KCTD1: variants seen among roughly 807,000 people sequenced by gnomAD.
The protein encoded by KCTD1 is potassium channel tetramerization domain containing 1, also known as BTB/POZ domain-containing protein KCTD1.
In KCTD1, 24 loss-of-function variants were observed where a neutral mutation model predicts 66.0. The observed-to-expected ratio is 0.36, with a 90% CI of 0.26 to 0.51. KCTD1 has a LOEUF of 0.51. Among genes scored for constraint, KCTD1 ranks in the 20% least tolerant of loss-of-function variants. The probability of loss-of-function intolerance (pLI) is 0.95; values close to 1 mark genes in which losing one functional copy is unlikely to be tolerated. For missense variants in KCTD1, 943 were observed against 1,205.2 expected, an observed-to-expected ratio of 0.78 and a Z score of 3.22; for synonymous variants, 511 against 517.2, an observed-to-expected ratio of 0.99 and a Z score of 0.16.
At chr18:26,641,049 T>G (rs566288990), upstream of KCTD1, among the ~76,000 whole-genome samples, 2 of 152,306 alleles carry the variant, frequency 1.3e-5, no homozygotes, top group African/African-American at 4.8e-5. Flanking sequence ...CAGACTGATT[T>G]CTTACTTGCC....
chr18:26,487,940 G>A (rs1352025698), intron 2 of KCTD1, among the ~76,000 whole-genome samples: 3 of 152,144 alleles, frequency 2.0e-5, no homozygotes, highest in African/African-American at 7.2e-5. Flanking sequence ...TCATGTACAG[G>A]CATTGAAAAG....
rs1979993555 is a variant in KCTD1 at position 26,455,282 on chromosome 18, T to C, written c.*461A>G. On this transcript the variant is annotated 3_prime_UTR_variant, in exon 5 of 5. Coordinates refer to ENST00000580059, the MANE Select transcript of KCTD1 (RefSeq NM_001142730.3). ...AACCTCCATATACAAACAAACTTGA[T>C]TCAAGGTGTTTTGTTTGTTTTGTTT... 6.5e-6 allele frequency: 1 copy of C among 153,060 alleles called. No homozygotes were observed. Among genetic ancestry groups the C allele is most frequent in the South Asian group, 2.1e-4 (1 of 4,830 alleles). 9.5% of individuals were successfully genotyped at this position (153,060 alleles called of 1,614,324 possible).
intron 1 of KCTD1, among the ~76,000 whole-genome samples, chr18:26,651,424 G>A (rs1466583293): frequency 6.6e-6 from 1 of 152,150 alleles, no homozygotes; most frequent in Non-Finnish European, 1.5e-5. Flanking sequence ...AATCCTCCAG[G>A]CAAGAGGAGG....
chr18:26,656,462 G>C (rs1206639422), intron 1 of KCTD1, among the ~76,000 whole-genome samples: 1 of 151,982 alleles, frequency 6.6e-6, no homozygotes, highest in East Asian at 1.9e-4. Context: ...GGGGAGGAGG[G>C]CTGGAGATGG....
upstream of KCTD1, among the ~76,000 whole-genome samples, chr18:26,632,050 A>AAAAC (rs1473523340): frequency 6.7e-6 from 1 of 149,826 alleles, no homozygotes; most frequent in African/African-American, 2.5e-5. Context: ...ACTCCGTCTC[A>AAAAC]AAACAAACAA....
chr18:26,556,867 C>T (rs894378738), intron 1 of KCTD1, among the ~76,000 whole-genome samples: 15 of 152,170 alleles, frequency 9.9e-5, no homozygotes, highest in African/African-American at 3.6e-4. Context: ...TAGAGAAAAC[C>T]ACCCAAATAC....
chr18:26,624,599 T>C (rs1160966678), intron 1 of KCTD1, among the ~76,000 whole-genome samples: 1 of 152,202 alleles, frequency 6.6e-6, no homozygotes, highest in African/African-American at 2.4e-5. Context: ...CACCTAGATT[T>C]CAGAGGACAT....
chr18:26,599,342 A>T (rs1986837688), intron 1 of KCTD1: 1 of 1,467,250 alleles, frequency 6.8e-7, no homozygotes, highest in Non-Finnish European at 9.4e-7. Context: ...GAGCGAGCCC[A>T]GGTGGCAGTC....
upstream of KCTD1, among the ~76,000 whole-genome samples, chr18:26,552,381 C>G (rs1985595930): frequency 6.6e-6 from 1 of 152,214 alleles, no homozygotes; most frequent in African/African-American, 2.4e-5. Context: ...GCAACACACA[C>G]CCTTGTAGTT....
upstream of KCTD1, among the ~76,000 whole-genome samples, chr18:26,644,766 A>AAG (rs538078418): frequency 2.5e-3 from 371 of 150,036 alleles, 1 homozygote; most frequent in African/African-American, 6.9e-3. Flanking sequence ...AAAAAAAAAA[A>AAG]AGAGAGAGAG....
chr18:26,474,665 T>C (rs1981245671), intron 3 of KCTD1, among the ~76,000 whole-genome samples: 1 of 152,232 alleles, frequency 6.6e-6, no homozygotes, highest in Non-Finnish European at 1.5e-5. Flanking sequence ...TTCTCATAGA[T>C]TTTTAAGATA....
Position 26,548,231 on chromosome 18 carries a change from G to T in KCTD1, c.306C>A (p.Asp102Glu). 3 of 1,509,006 alleles carry T rather than the reference G, an allele frequency of 2.0e-6. No homozygotes were observed. The highest frequency in any genetic ancestry group is 2.6e-6 in the Non-Finnish European group (3 of 1,132,454). 93.5% of individuals were successfully genotyped at this position (1,509,006 alleles called of 1,614,324 possible). A position where few individuals can be genotyped will look rare whatever the true frequency, so the allele number is the denominator to read the frequency against. Residue 102 changes from aspartate to glutamate, a missense_variant, in exon 1 of 5, where the codon GAC becomes GAA. This residue lies in a region of KCTD1 where 236 missense variants were observed against 206.6 expected (regional missense o/e 1.14). Coordinates refer to ENST00000580059, the MANE Select transcript of KCTD1 (RefSeq NM_001142730.3). ...CCGAGTCCTCGGGCTCCAGGGGCTC[G>T]TCCCAGTCCAGCCCCATCTCCTCCT... ...EEEEEMGLDW[D>E]EPLEPEDSAG...
chr18:26,654,480 C>T (rs1988091714), intron 1 of KCTD1, among the ~76,000 whole-genome samples: 1 of 152,136 alleles, frequency 6.6e-6, no homozygotes, highest in South Asian at 2.1e-4. Flanking sequence ...TATTACTGTG[C>T]ACCCCTACTA....
At chr18:26,630,584 C>G (rs1987597379), upstream of KCTD1, among the ~76,000 whole-genome samples, 5 of 152,298 alleles carry the variant, frequency 3.3e-5, no homozygotes, top group South Asian at 1.0e-3. Flanking sequence ...ATCCTCCCAC[C>G]ATGGCCTCCC....
chr18:26,568,100 G>A (rs1986024415), intron 1 of KCTD1, among the ~76,000 whole-genome samples: 1 of 152,036 alleles, frequency 6.6e-6, no homozygotes, highest in Non-Finnish European at 1.5e-5. Flanking sequence ...AATGAAGCAA[G>A]ATTAATAGAT....
chr18:26,644,658 T>C (rs1987897637), upstream of KCTD1, among the ~76,000 whole-genome samples: 1 of 151,656 alleles, frequency 6.6e-6, no homozygotes, highest in African/African-American at 2.4e-5. Context: ...CTGGGGAGGC[T>C]GAGGCAGGAG....
upstream of KCTD1, among the ~76,000 whole-genome samples, chr18:26,551,308 G>A (rs1985559430): frequency 6.6e-6 from 1 of 152,136 alleles, no homozygotes; most frequent in Admixed American, 6.5e-5. Flanking sequence ...AAGGAGGTGG[G>A]GTGTAGCAGA....
At chr18:26,565,852 T>A (rs946849697) in intron 1 of KCTD1, 4 of 152,150 alleles carry the variant, frequency 2.6e-5, no homozygotes, top group Non-Finnish European at 4.4e-5. Flanking sequence ...AGTATACAGA[T>A]CATTGTTATT....
intron 1 of KCTD1, among the ~76,000 whole-genome samples, chr18:26,506,777 G>C (rs1049643877): frequency 6.6e-6 from 1 of 152,184 alleles, no homozygotes; most frequent in Non-Finnish European, 1.5e-5. Context: ...GAGATGCTCT[G>C]GACCTGCACA....
Sources: allele counts gnomAD v4.1 joint callset (sites outside exome capture counted in the v4.1 genomes callset), GRCh38; gene constraint gnomAD v4.1.1; regional missense constraint gnomAD v4.1.1; transcripts MANE v1.5; gene names NCBI Gene and HGNC (gene_info 2026-07-23, HGNC 2026-07-21).